MAGI2: variants seen among roughly 807,000 people sequenced by gnomAD.
MAGI2 encodes the protein membrane associated guanylate kinase, WW and PDZ domain containing 2.
A neutral mutation model predicts 133.3 loss-of-function variants in MAGI2; 35 were observed. That is an observed-to-expected ratio of 0.26 (90% confidence interval 0.20 to 0.35). The LOEUF (loss-of-function observed/expected upper bound fraction) is 0.35. Ranked by LOEUF, MAGI2 falls within the 10% of genes least tolerant of loss-of-function variation. The pLI is 1.00. For synonymous variants in MAGI2, 729 were observed against 710.6 expected (o/e 1.03, Z -0.41); for missense variants, 1,636 against 1,863.4 (o/e 0.88, Z 2.25).
At chr7:78,287,230 A>G (rs953659477) in intron 9 of MAGI2, among the ~76,000 whole-genome samples, 1 of 152,178 alleles carries the variant, frequency 6.6e-6, no homozygotes, top group Admixed American at 6.6e-5. Context: ...TTAAGAAAGG[A>G]GAGTGATTTC....
At chr7:79,015,591 C>A (rs904686652) in intron 1 of MAGI2, among the ~76,000 whole-genome samples, 1 of 152,088 alleles carries the variant, frequency 6.6e-6, no homozygotes, top group Non-Finnish European at 1.5e-5. Context: ...TGGATCAGTA[C>A]TAATGAAGTT....
At chr7:79,329,641 G>A (rs191617183) in intron 1 of MAGI2, among the ~76,000 whole-genome samples, 1 of 152,286 alleles carries the variant, frequency 6.6e-6, no homozygotes, top group Admixed American at 6.5e-5. Context: ...TACGAGATTA[G>A]ATTTCTGTTC....
At chr7:78,440,698 T>C (rs777962389) in intron 6 of MAGI2, among the ~76,000 whole-genome samples, 9 of 152,092 alleles carry the variant, frequency 5.9e-5, no homozygotes, top group Non-Finnish European at 1.2e-4. Context: ...ATACCAGTAA[T>C]CCCAACACTT....
chr7:79,430,588 A>T (rs780040176), intron 1 of MAGI2, among the ~76,000 whole-genome samples: 8 of 152,282 alleles, frequency 5.3e-5, no homozygotes, highest in Non-Finnish European at 1.0e-4. Flanking sequence ...GTTGTCTGGG[A>T]GCACCAAGCA....
intron 1 of MAGI2, among the ~76,000 whole-genome samples, chr7:79,321,427 T>C (rs1025978177): frequency 6.6e-6 from 1 of 151,436 alleles, no homozygotes; most frequent in East Asian, 2.0e-4. Context: ...GGTCGTCTAA[T>C]ATTTAATAAA....
At chr7:78,258,367 CTTTTAG>C (rs1793201261) in intron 9 of MAGI2, among the ~76,000 whole-genome samples, 2 of 152,100 alleles carry the variant, frequency 1.3e-5, no homozygotes, top group South Asian at 2.1e-4. Flanking sequence ...TCTCCTGTTT[CTTTTAG>C]TTTTAATGTT....
chr7:78,507,325 C>A (rs186682870), intron 4 of MAGI2, among the ~76,000 whole-genome samples: 257 of 152,216 alleles, frequency 1.7e-3, no homozygotes, highest in African/African-American at 5.6e-3. Context: ...ACCCAGAGGA[C>A]CAATTTATTC....
At chr7:78,614,032 C>T (rs901134217) in intron 3 of MAGI2, among the ~76,000 whole-genome samples, 2 of 151,798 alleles carry the variant, frequency 1.3e-5, no homozygotes, top group Admixed American at 6.6e-5. Flanking sequence ...ATCAATTGAA[C>T]CTGGGAGGCG....
At chr7:78,380,013 T>C (rs1188171676) in intron 6 of MAGI2, among the ~76,000 whole-genome samples, 1 of 151,944 alleles carries the variant, frequency 6.6e-6, no homozygotes. Flanking sequence ...ATAAAAAATC[T>C]GTAGCACACA....
At chr7:78,176,020 T>C (rs1019348048) in intron 14 of MAGI2, among the ~76,000 whole-genome samples, 8 of 152,128 alleles carry the variant, frequency 5.3e-5, no homozygotes, top group Non-Finnish European at 1.2e-4. Flanking sequence ...GTTCTCTCTA[T>C]TATAAAACAA....
intron 9 of MAGI2, among the ~76,000 whole-genome samples, chr7:78,292,582 A>G (rs1171754397): frequency 6.6e-6 from 1 of 152,184 alleles, no homozygotes; most frequent in Non-Finnish European, 1.5e-5. Flanking sequence ...GGAAAAAACT[A>G]TTTTAAAGTT....
At position 78,167,908 on chromosome 7, in the gene MAGI2, G is replaced by A; in HGVS notation, c.2596+8C>T. The A allele has an allele frequency of 6.2e-7, 1 of 1,612,554 alleles. No homozygotes were observed. The highest frequency in any genetic ancestry group is 2.2e-5 in the East Asian group (1 of 44,828). On this transcript the variant is annotated splice_region_variant and intron_variant, in intron 15 of 21. Coordinates refer to ENST00000354212, the MANE Select transcript of MAGI2 (RefSeq NM_012301.4). Reference sequence around the variant, plus strand: ...CCTCGATTCCTGCAGCAGGCTCCAGGTACATACCTCCACATAGCACCTTTC... The same window carrying A: ...CCTCGATTCCTGCAGCAGGCTCCAGATACATACCTCCACATAGCACCTTTC...
At position 78,416,739 on chromosome 7, in the gene MAGI2, T is replaced by C. The variant is rs934133807; in HGVS notation, c.1046-47526A>G. ...CCTCCACCTTTGTGAATGGAATACATGTGTTATAAAAGAGGCTTTGTAGAG... is the reference window on the plus strand; with the variant it reads ...CCTCCACCTTTGTGAATGGAATACACGTGTTATAAAAGAGGCTTTGTAGAG... On this transcript the variant is annotated intron_variant, in intron 6 of 21. Coordinates refer to ENST00000354212, the MANE Select transcript of MAGI2 (RefSeq NM_012301.4). 3.9e-5 allele frequency among the ~76,000 whole-genome samples: 6 copies of C among 152,254 alleles called. No homozygotes were observed. The South Asian group carries it at 1.0e-3, about 26-fold the overall frequency.
chr7:79,118,261 G>A (rs1216039907), intron 1 of MAGI2, among the ~76,000 whole-genome samples: 1 of 152,070 alleles, frequency 6.6e-6, no homozygotes, highest in African/African-American at 2.4e-5. Flanking sequence ...CTACTATTTG[G>A]GTGTACACTT....
chr7:78,665,740 A>G (rs1813490469), intron 2 of MAGI2, among the ~76,000 whole-genome samples: 2 of 152,166 alleles, frequency 1.3e-5, no homozygotes, highest in Admixed American at 1.3e-4. Context: ...TAAAATGCCA[A>G]AATAATACAT....
intron 1 of MAGI2, among the ~76,000 whole-genome samples, chr7:79,314,450 T>A (rs1483199615): frequency 6.6e-6 from 1 of 152,192 alleles, no homozygotes; most frequent in Non-Finnish European, 1.5e-5. Flanking sequence ...ACCTGGAAAT[T>A]TCTCTGACCC....
At chr7:78,283,481 G>A (rs1051998301) in intron 9 of MAGI2, among the ~76,000 whole-genome samples, 1 of 152,038 alleles carries the variant, frequency 6.6e-6, no homozygotes, top group Non-Finnish European at 1.5e-5. Context: ...GTAAATATAT[G>A]AATAAGTAAA....
At chr7:78,523,213 C>T (rs1213398758) in intron 3 of MAGI2, among the ~76,000 whole-genome samples, 1 of 152,180 alleles carries the variant, frequency 6.6e-6, no homozygotes, top group Non-Finnish European at 1.5e-5. Context: ...ATTTCTTCAT[C>T]TGTAAGTTGG....
rs932841689 is a variant in MAGI2, at chr7:78,280,648, C to T, written c.1409-24067G>A. Among the ~76,000 whole-genome samples, 13 of 151,950 alleles carry T rather than the reference C, an allele frequency of 8.6e-5. No homozygotes were observed. The East Asian group carries it at 1.7e-3, about 20-fold the overall frequency. On this transcript the variant is annotated intron_variant, in intron 9 of 21. Coordinates refer to ENST00000354212, the MANE Select transcript of MAGI2 (RefSeq NM_012301.4). The stretch of plus-strand genomic sequence containing the variant: ...CCAGGTTAGAAAGATTAGACTGAGA[C>T]GTTAAGTATGTTCCAAGGAACTCAG...
Sources: allele counts gnomAD v4.1 joint callset (sites outside exome capture counted in the v4.1 genomes callset), GRCh38; gene constraint gnomAD v4.1.1; transcripts MANE v1.5; gene names NCBI Gene and HGNC (gene_info 2026-07-23, HGNC 2026-07-21).